The following SRD5A2 variants were observed in gnomAD, a reference collection of about 807,000 sequenced individuals.
SRD5A2 encodes 3-oxo-5-alpha-steroid 4-dehydrogenase 2.
SRD5A2 carries 30 observed loss-of-function variants against 27.4 expected under a neutral mutation model. The observed-to-expected ratio is 1.10, with a 90% CI of 0.82 to 1.49. The LOEUF is 1.49. SRD5A2 is among the 40% of genes most tolerant of loss of function. The pLI, the probability that SRD5A2 is intolerant of heterozygous loss-of-function variation, is 0.00. For missense variants in SRD5A2, 348 were observed against 323.4 expected (o/e 1.08, Z -0.58); for synonymous variants, 141 against 133.6 (o/e 1.06, Z -0.38).
intron 1 of SRD5A2, among the ~76,000 whole-genome samples, chr2:31,573,019 C>A (rs1666883070): frequency 6.6e-6 from 1 of 152,122 alleles, no homozygotes; most frequent in Non-Finnish European, 1.5e-5. Context: ...ACTGAGTATA[C>A]AAAGTATAAG....
At chr2:31,586,497 G>A in the SRD5A2 span, among the ~76,000 whole-genome samples, 1 of 150,828 alleles carries the variant, frequency 6.6e-6, no homozygotes, top group African/African-American at 2.5e-5. Flanking sequence ...TAGTGGTGGT[G>A]TCCTCAGGGG....
the SRD5A2 span, chr2:31,651,975 T>A: frequency 6.5e-6 from 1 of 152,756 alleles, no homozygotes; most frequent in African/African-American, 2.4e-5. Flanking sequence ...GTCACAGTTT[T>A]TCTTTTCTTT....
chr2:31,645,258 A>G, the SRD5A2 span, among the ~76,000 whole-genome samples: 1 of 152,186 alleles, frequency 6.6e-6, no homozygotes, highest in African/African-American at 2.4e-5. Context: ...ATAGCACAAC[A>G]GGGTGACTAT....
intron 1 of SRD5A2, among the ~76,000 whole-genome samples, chr2:31,575,881 T>A (rs1666948557): frequency 6.6e-6 from 1 of 152,174 alleles, no homozygotes; most frequent in Admixed American, 6.5e-5. Flanking sequence ...CATGCATAAG[T>A]GATGTGACTG....
the SRD5A2 span, among the ~76,000 whole-genome samples, chr2:31,591,382 A>G: frequency 1.7e-3 from 260 of 152,330 alleles, no homozygotes; most frequent in African/African-American, 6.0e-3. Flanking sequence ...CAAAACCACA[A>G]TAAGATACCA....
upstream of SRD5A2, among the ~76,000 whole-genome samples, chr2:31,584,411 C>T (rs895165981): frequency 2.3e-4 from 35 of 152,194 alleles, no homozygotes; most frequent in Non-Finnish European, 1.5e-5. Flanking sequence ...CAATATCCAG[C>T]ATTCCTAAAA....
At chr2:31,645,854 C>T in the SRD5A2 span, among the ~76,000 whole-genome samples, 5 of 152,042 alleles carry the variant, frequency 3.3e-5, no homozygotes, top group Non-Finnish European at 4.4e-5. Context: ...GTGTGGCTCA[C>T]GTATATAATT....
At chr2:31,607,453 T>A in the SRD5A2 span, among the ~76,000 whole-genome samples, 2 of 151,826 alleles carry the variant, frequency 1.3e-5, no homozygotes, top group African/African-American at 4.8e-5. Context: ...AGCTGATTTC[T>A]CATCATAAAA....
At chr2:31,551,756 G>GAA (rs796435497) in intron 1 of SRD5A2, among the ~76,000 whole-genome samples, 1 of 150,078 alleles carries the variant, frequency 6.7e-6, no homozygotes, top group Non-Finnish European at 1.5e-5. Context: ...AAAATAATTG[G>GAA]AAAAAAAAAG....
At chr2:31,655,701 T>C in the SRD5A2 span, among the ~76,000 whole-genome samples, 3 of 152,070 alleles carry the variant, frequency 2.0e-5, no homozygotes, top group Non-Finnish European at 4.4e-5. Context: ...ATGAGAAATA[T>C]TGTTTCAATG....
chr2:31,654,796 A>G, the SRD5A2 span, among the ~76,000 whole-genome samples: 7 of 152,144 alleles, frequency 4.6e-5, no homozygotes, highest in African/African-American at 1.2e-4. Flanking sequence ...TCTGCTCTCA[A>G]CAATGTACAG....
chr2:31,524,324 TAA>T lies in SRD5A2; in HGVS notation c.*1870_*1871del, dbSNP rs1665726720. 4.4e-6 allele frequency: 1 copy of T among 228,270 alleles called. No homozygotes were observed. The highest frequency in any genetic ancestry group is 5.7e-5 in the Admixed American group (1 of 17,588). The allele number at this position is 228,270 out of a possible 1,614,324, so 14.1% of individuals were successfully genotyped here. ...ATTCCTCAGCACCAGGAGTGGCATC[TAA>T]CCTCATGACGTTTTCCTGCACCTTT... is the stretch of plus-strand genomic sequence containing the variant. On this transcript the variant is annotated 3_prime_UTR_variant, in exon 5 of 5. Coordinates refer to ENST00000622030, the MANE Select transcript of SRD5A2 (RefSeq NM_000348.4).
rs191053938 is a variant in SRD5A2 at position 31,525,487 on chromosome 2, C to G, written c.*709G>C. On this transcript the variant is annotated 3_prime_UTR_variant, in exon 5 of 5. Transcript: ENST00000622030. ...GCCTTTTTGTTTGTGGTTATTAAAA[C>G]CTGGCCTTCAAGAATAGCCATACCA... 6.3e-4 allele frequency: 142 copies of G among 225,262 alleles called. No homozygotes were observed. Among genetic ancestry groups the G allele is most frequent in the African/African-American group, 3.0e-3 (137 of 45,010 alleles). The allele number at this position is 225,262 out of a possible 1,614,324, so 14.0% of individuals were successfully genotyped here. A position where few individuals can be genotyped will look rare whatever the true frequency, so the allele number is the denominator to read the frequency against.
chr2:31,573,687 GA>G (rs781616805), intron 1 of SRD5A2, among the ~76,000 whole-genome samples: 1 of 152,188 alleles, frequency 6.6e-6, no homozygotes, highest in Non-Finnish European at 1.5e-5. Flanking sequence ...AAGGAAATGT[GA>G]ATTACCTGAT....
the SRD5A2 span, among the ~76,000 whole-genome samples, chr2:31,607,957 G>A: frequency 1.7e-4 from 26 of 151,860 alleles, no homozygotes; most frequent in Non-Finnish European, 3.2e-4. Context: ...TCTCAGCTAT[G>A]TAACGGTACA....
At chr2:31,656,600 T>A in the SRD5A2 span, among the ~76,000 whole-genome samples, 57 of 152,084 alleles carry the variant, frequency 3.7e-4, no homozygotes, top group Admixed American at 6.6e-5. Flanking sequence ...CTTCCACCAT[T>A]CTGCTATATG....
chr2:31,526,209 G>A lies in SRD5A2; in HGVS notation c.752C>T (p.Pro251Leu), dbSNP rs868521296. ...AATTTGGTTCCTTTAAAAGATGAAT[G>A]GAATAAGGGCTTTCCGAGATTTGGG... is the stretch of plus-strand genomic sequence containing the variant. ...DYPKSRKALIPFIF is the reference protein window; with the variant it reads ...DYPKSRKALILFIF The change falls in exon 5 of 5, where the codon CCA becomes CTA. Residue 251 changes from proline (P) to leucine (L), a missense_variant. By Grantham distance (98) the Pro-to-Leu change is moderately conservative. Transcript: ENST00000622030. 2 of 1,585,614 alleles carry A rather than the reference G, an allele frequency of 1.3e-6. No individual in the cohort carries two copies. The highest frequency in any genetic ancestry group is 1.2e-5 in the South Asian group (1 of 86,564).
the SRD5A2 span, among the ~76,000 whole-genome samples, chr2:31,597,249 C>G: frequency 6.6e-6 from 1 of 152,038 alleles, no homozygotes; most frequent in African/African-American, 2.4e-5. Context: ...ACAAATGGTG[C>G]TGGGATAATT....
chr2:31,651,088 G>A, the SRD5A2 span, among the ~76,000 whole-genome samples: 1 of 152,172 alleles, frequency 6.6e-6, no homozygotes, highest in Non-Finnish European at 1.5e-5. Context: ...GATCATTTCA[G>A]GGGAAAATTA....
Sources: allele counts gnomAD v4.1 joint callset (sites outside exome capture counted in the v4.1 genomes callset), GRCh38; gene constraint gnomAD v4.1.1; transcripts MANE v1.5; gene names NCBI Gene and HGNC (gene_info 2026-07-23, HGNC 2026-07-21).